Variants in OSBPL10 observed in about 807,000 individuals in gnomAD.
OSBPL10 encodes oxysterol-binding protein-related protein 10.
A neutral mutation model predicts 81.7 loss-of-function variants in OSBPL10; 49 were observed. The observed-to-expected ratio is 0.60, with a 90% CI of 0.48 to 0.76. The LOEUF (loss-of-function observed/expected upper bound fraction) is 0.76. Among genes scored for constraint, OSBPL10 ranks in the 30% least tolerant of loss-of-function variants. The pLI is 0.00. For missense variants in OSBPL10, 923 were observed against 987.8 expected (o/e 0.93, Z 0.88); for synonymous variants, 419 against 383.6 (o/e 1.09, Z -1.08).
chr3:31,732,942 A>G (rs1697024164), intron 6 of OSBPL10: 1 of 375,582 alleles, frequency 2.7e-6, no homozygotes. Flanking sequence ...AACTGCTCCC[A>G]TCATGTCAAT....
intron 3 of OSBPL10, among the ~76,000 whole-genome samples, chr3:31,865,065 G>A (rs1259426342): frequency 6.6e-6 from 1 of 152,122 alleles, no homozygotes; most frequent in African/African-American, 2.4e-5. Context: ...AACAGAAAGG[G>A]AGAAGAAAAG....
chr3:31,805,959 T>C (rs1699512763), intron 4 of OSBPL10, among the ~76,000 whole-genome samples: 1 of 152,200 alleles, frequency 6.6e-6, no homozygotes, highest in Non-Finnish European at 1.5e-5. Flanking sequence ...ATTTTCAAAA[T>C]GAACTTAAGA....
intron 1 of OSBPL10, among the ~76,000 whole-genome samples, chr3:31,895,123 T>C (rs1575603468): frequency 6.9e-6 from 1 of 145,202 alleles, no homozygotes; most frequent in African/African-American, 2.6e-5. Context: ...CATATTAGAA[T>C]TCTCTGCGGC....
chr3:31,746,156 G>C (rs1241323503), intron 5 of OSBPL10, among the ~76,000 whole-genome samples: 1 of 152,040 alleles, frequency 6.6e-6, no homozygotes, highest in East Asian at 1.9e-4. Context: ...AAAGGACTGA[G>C]GCATCTCAAA....
intron 1 of OSBPL10, among the ~76,000 whole-genome samples, chr3:31,961,863 A>AT (rs1698173530): frequency 2.7e-5 from 4 of 150,354 alleles, no homozygotes; most frequent in Admixed American, 2.6e-4. Context: ...TATTAATTAC[A>AT]TTTAAATAAG....
chr3:31,957,781 C>T (rs1698050705), intron 1 of OSBPL10, among the ~76,000 whole-genome samples: 1 of 152,142 alleles, frequency 6.6e-6, no homozygotes, highest in Admixed American at 6.5e-5. Flanking sequence ...GCTGGGATTA[C>T]AGGCACATGC....
At chr3:31,968,605 A>G (rs1182499425) in intron 1 of OSBPL10, among the ~76,000 whole-genome samples, 1 of 152,192 alleles carries the variant, frequency 6.6e-6, no homozygotes, top group Non-Finnish European at 1.5e-5. Context: ...TTTCTGAAGC[A>G]TACCTTTACG....
intron 4 of OSBPL10, among the ~76,000 whole-genome samples, chr3:31,816,344 C>A (rs13087711): frequency 6.6e-6 from 1 of 151,948 alleles, no homozygotes; most frequent in African/African-American, 2.4e-5. Context: ...CCATCCACTA[C>A]GTCAGAGACA....
chr3:32,040,638 C>T (rs1699566219), intron 2 of OSBPL10, among the ~76,000 whole-genome samples: 1 of 151,448 alleles, frequency 6.6e-6, no homozygotes, highest in African/African-American at 2.4e-5. Context: ...GAGTTTGAGA[C>T]CAGCCTGGGA....
chr3:31,668,731 A>G lies in OSBPL10; in HGVS notation c.2007T>C (p.Asn669=), dbSNP rs770594326. 3.1e-6 allele frequency: 5 copies of G among 1,613,996 alleles called. No individual in the cohort carries two copies. The African/African-American group carries it at 4.0e-5, about 13-fold the overall frequency. The change falls in exon 10 of 12, where the codon AAT becomes AAC. Residue 669 remains asparagine, a synonymous_variant. Transcript: ENST00000396556. ...TTGTGTCGATGACTTTGGTTTCTCC[A>G]TTGTTGTAGGTGAACTCTAAAGTAC... ...WNGTLEFTYN[N]GETKVIDTTT...
intron 2 of OSBPL10, among the ~76,000 whole-genome samples, chr3:32,022,871 G>A (rs1205330459): frequency 6.6e-6 from 1 of 152,176 alleles, no homozygotes; most frequent in African/African-American, 2.4e-5. Context: ...GCCTGGGAGT[G>A]TGACTTCTGC....
In OSBPL10 at chr3:31,749,115, C is replaced by T. The variant is rs192091027; in HGVS notation, c.730-995G>A. Among the ~76,000 whole-genome samples the T allele has an allele frequency of 5.3e-5, 8 of 152,188 alleles. No individual in the cohort carries two copies. The East Asian group carries it at 7.7e-4, about 15-fold the overall frequency. The stretch of plus-strand genomic sequence containing the variant: ...TGTTTTTTAATCTTCTCCACAAAAG[C>T]TGTTTTTATTTGAAGTAACATCTCC... On this transcript the variant is annotated intron_variant, in intron 4 of 11. Transcript: ENST00000396556.
intron 7 of OSBPL10, among the ~76,000 whole-genome samples, chr3:31,685,341 T>C (rs1021191326): frequency 6.6e-6 from 1 of 152,198 alleles, no homozygotes; most frequent in Non-Finnish European, 1.5e-5. Context: ...TAGCTGGGAC[T>C]ACAGGCACAT....
chr3:31,789,033 C>T (rs895004237), intron 4 of OSBPL10, among the ~76,000 whole-genome samples: 17 of 151,672 alleles, frequency 1.1e-4, no homozygotes, highest in Non-Finnish European at 1.8e-4. Flanking sequence ...GGCTGGAGTG[C>T]GGTGGCGCGA....
At chr3:31,736,671 G>T (rs1336348595) in intron 5 of OSBPL10, among the ~76,000 whole-genome samples, 1 of 152,228 alleles carries the variant, frequency 6.6e-6, no homozygotes, top group East Asian at 1.9e-4. Context: ...ACATCCTGTA[G>T]AGCAGTTAGG....
chr3:31,869,020 T>A (rs1051293975), intron 3 of OSBPL10, among the ~76,000 whole-genome samples: 2 of 152,162 alleles, frequency 1.3e-5, no homozygotes, highest in African/African-American at 4.8e-5. Context: ...CTTGAGGGAT[T>A]TGTCAAAGCA....
At chr3:31,917,492 C>A (rs1274290062) in intron 1 of OSBPL10, among the ~76,000 whole-genome samples, 2 of 151,798 alleles carry the variant, frequency 1.3e-5, no homozygotes, top group African/African-American at 4.8e-5. Flanking sequence ...TAACCCCCAG[C>A]TGAAAGACTA....
intron 1 of OSBPL10, among the ~76,000 whole-genome samples, chr3:32,050,968 A>AT (rs1364133352): frequency 6.6e-6 from 1 of 152,032 alleles, no homozygotes; most frequent in Non-Finnish European, 1.5e-5. Flanking sequence ...CCACAAAAGG[A>AT]TTTTTTTTAA....
intron 4 of OSBPL10, among the ~76,000 whole-genome samples, chr3:31,817,894 T>C (rs1559478820): frequency 6.6e-6 from 1 of 152,144 alleles, no homozygotes; most frequent in African/African-American, 2.4e-5. Flanking sequence ...TGCTTGAGCT[T>C]AGGAGATTGA....
Sources: allele counts gnomAD v4.1 joint callset (sites outside exome capture counted in the v4.1 genomes callset), GRCh38; gene constraint gnomAD v4.1.1; transcripts MANE v1.5; gene names NCBI Gene and HGNC (gene_info 2026-07-23, HGNC 2026-07-21).